DGKG: variants seen among roughly 807,000 people sequenced by gnomAD.
The protein encoded by DGKG is DAG kinase gamma.
A neutral mutation model predicts 105.3 loss-of-function variants in DGKG; 78 were observed. The ratio of observed to expected loss-of-function variants is 0.74; its 90% CI spans 0.62 to 0.89. The LOEUF (loss-of-function observed/expected upper bound fraction) is 0.89, where lower values mean the gene tolerates loss of function less well. Among genes scored for constraint, DGKG ranks in the 40% least tolerant of loss-of-function variants. The pLI, the probability that DGKG is intolerant of heterozygous loss-of-function variation, is 0.00. For missense variants in DGKG, 958 were observed against 1,020.1 expected (o/e 0.94, Z 0.83); for synonymous variants, 346 against 367.1 (o/e 0.94, Z 0.66).
intron 3 of DGKG, among the ~76,000 whole-genome samples, chr3:186,303,777 T>C (rs1177107845): frequency 6.6e-6 from 1 of 152,148 alleles, no homozygotes; most frequent in Admixed American, 6.5e-5. Flanking sequence ...CAAGCGCATG[T>C]TCATCACGGC....
chr3:186,153,400 T>C (rs1715868386), intron 24 of DGKG, among the ~76,000 whole-genome samples: 1 of 152,172 alleles, frequency 6.6e-6, no homozygotes, highest in African/African-American at 2.4e-5. Context: ...TCTTTGGTAA[T>C]TGGGCGAGTC....
chr3:186,320,400 A>G lies in DGKG; in HGVS notation c.60T>C (p.Tyr20=), dbSNP rs1725024707. 2 of 1,614,052 alleles carry G rather than the reference A, an allele frequency of 1.2e-6. No homozygotes were observed. Among genetic ancestry groups the G allele is most frequent in the South Asian group, 2.2e-5 (2 of 91,080 alleles). ...GTCAATGCATTTACTCACATTCTGA[A>G]TATTTCTGGAGTTGGTCAAATTCTT... ...TPEEFDQLQK[Y]SEYSSKKIKD... Residue 20 remains tyrosine (Y), a synonymous_variant, in exon 2 of 25, where the codon TAT becomes TAC. Coordinates refer to ENST00000265022, the MANE Select transcript of DGKG (RefSeq NM_001346.3).
chr3:186,217,549 G>A (rs1719356338), intron 20 of DGKG, among the ~76,000 whole-genome samples: 1 of 152,180 alleles, frequency 6.6e-6, no homozygotes, highest in African/African-American at 2.4e-5. Context: ...AACATCAATT[G>A]CACACTAGCT....
At chr3:186,170,704 A>G (rs995147859) in intron 22 of DGKG, among the ~76,000 whole-genome samples, 1 of 152,220 alleles carries the variant, frequency 6.6e-6, no homozygotes, top group Non-Finnish European at 1.5e-5. Flanking sequence ...GTGGGCACCC[A>G]AAATACATTA....
At chr3:186,261,911 G>A in intron 14 of DGKG, 133 bp from the exon 15 acceptor site, 1 of 608,770 alleles carries the variant, frequency 1.6e-6, no homozygotes, top group South Asian at 2.0e-5. Flanking sequence ...TTTTTCCACT[G>A]GCTGAATTTT....
chr3:186,185,119 A>C (rs1717560159), intron 22 of DGKG, among the ~76,000 whole-genome samples: 1 of 152,182 alleles, frequency 6.6e-6, no homozygotes, highest in South Asian at 2.1e-4. Context: ...CAGAGTCTGG[A>C]CTGGAACTCC....
intron 9 of DGKG, chr3:186,279,261 G>A (rs1049898445): frequency 8.5e-5 from 13 of 152,276 alleles, no homozygotes; most frequent in African/African-American, 3.1e-4. Context: ...ACTCTCATGT[G>A]TGGGATATTA....
At chr3:186,304,879 C>T (rs917202525) in intron 3 of DGKG, among the ~76,000 whole-genome samples, 36 of 152,278 alleles carry the variant, frequency 2.4e-4, no homozygotes, top group African/African-American at 8.4e-4. Flanking sequence ...TCATGGCTTT[C>T]AAACCTGACC....
intron 22 of DGKG, among the ~76,000 whole-genome samples, chr3:186,167,029 T>C (rs995888265): frequency 2.6e-5 from 4 of 152,144 alleles, no homozygotes; most frequent in Non-Finnish European, 5.9e-5. Flanking sequence ...GAAGTTGTTA[T>C]CACTTCCCAC....
chr3:186,185,923 C>T (rs1011153813), intron 22 of DGKG, among the ~76,000 whole-genome samples: 1 of 151,360 alleles, frequency 6.6e-6, no homozygotes, highest in Non-Finnish European at 1.5e-5. Flanking sequence ...ATGGAGAAAC[C>T]CCATCTCTAT....
At position 186,148,978 on chromosome 3, in the gene DGKG, A is replaced by AAT. The variant is rs1348030202; in HGVS notation, c.*1110_*1111dup. ...AAATATTTATATATATATATATATA[A>AAT]ATATATAGGCTAAATATATATATAT... On this transcript the variant is annotated 3_prime_UTR_variant, in exon 25 of 25. Transcript: ENST00000265022. The AAT allele has an allele frequency of 9.2e-3, 5,546 of 601,392 alleles. 27 individuals carry two copies. Among genetic ancestry groups the AAT allele is most frequent in the Non-Finnish European group, 0.01 (5,078 of 486,166 alleles). The allele number at this position is 601,392 out of a possible 1,614,324, so 37.3% of individuals were successfully genotyped here.
chr3:186,188,124 C>T (rs927126395), intron 22 of DGKG, 78 bp downstream of exon 22: 28 of 1,535,786 alleles, frequency 1.8e-5, no homozygotes, highest in South Asian at 6.0e-5. Context: ...TGGGGCCTTA[C>T]GAGGCCTGCT....
intron 17 of DGKG, among the ~76,000 whole-genome samples, chr3:186,254,952 C>A (rs143633665): frequency 6.6e-6 from 1 of 152,230 alleles, no homozygotes; most frequent in African/African-American, 2.4e-5. Context: ...CTGCCTCCCA[C>A]GCAACATGTC....
intron 20 of DGKG, among the ~76,000 whole-genome samples, chr3:186,215,881 T>G (rs186223024): frequency 6.6e-6 from 1 of 151,968 alleles, no homozygotes; most frequent in Non-Finnish European, 1.5e-5. Context: ...ATCTTTTCAT[T>G]CATCCATCCA....
chr3:186,215,166 T>G (rs1396958727), intron 20 of DGKG, among the ~76,000 whole-genome samples: 1 of 152,108 alleles, frequency 6.6e-6, no homozygotes, highest in Non-Finnish European at 1.5e-5. Flanking sequence ...ATCCCAGCGC[T>G]TTGGGAGGCA....
At chr3:186,274,801 G>A (rs1320842836) in intron 10 of DGKG, among the ~76,000 whole-genome samples, 1 of 151,980 alleles carries the variant, frequency 6.6e-6, no homozygotes, top group Admixed American at 6.6e-5. Context: ...TGGACATTTG[G>A]GTTGGTTCTA....
chr3:186,197,096 G>T (rs1718216245), intron 21 of DGKG, among the ~76,000 whole-genome samples: 1 of 152,190 alleles, frequency 6.6e-6, no homozygotes, highest in Admixed American at 6.5e-5. Context: ...CTGGGACATT[G>T]ATCTGGGGAC....
chr3:186,250,973 G>A (rs1276662826), intron 19 of DGKG, among the ~76,000 whole-genome samples: 1 of 151,890 alleles, frequency 6.6e-6, no homozygotes, highest in Non-Finnish European at 1.5e-5. Context: ...CCTGTTCACA[G>A]CAGCCTGGGA....
rs1249635009 is a variant in DGKG, at chr3:186,288,823, A to AG, written c.430dup (p.Leu144ProfsTer36). 1.9e-6 allele frequency: 3 copies of AG among 1,610,942 alleles called. No individual in the cohort carries two copies. Among genetic ancestry groups the AG allele is most frequent in the Non-Finnish European group, 2.5e-6 (3 of 1,178,486 alleles). Reference sequence around the variant, plus strand: ...TGAAGACCGAGGGACGGGGGGTTCCAGGGGGGTCGCAGCCACTTGGTCTTC... The same window carrying AG: ...TGAAGACCGAGGGACGGGGGGTTCCAGGGGGGGTCGCAGCCACTTGGTCTTC... On this transcript the variant is annotated frameshift_variant, in exon 6 of 25. Coordinates refer to ENST00000265022, the MANE Select transcript of DGKG (RefSeq NM_001346.3). LOFTEE classifies it high-confidence loss of function.
Sources: gnomAD v4.1 joint callset for allele counts (sites outside exome capture counted in the v4.1 genomes callset) on GRCh38, gnomAD v4.1.1 for gene constraint, MANE v1.5 for transcripts, NCBI Gene and HGNC (gene_info 2026-07-23, HGNC 2026-07-21) for gene names.